FRMD5: variants seen among roughly 807,000 people sequenced by gnomAD.
FRMD5 encodes FERM domain containing 5.
FRMD5 carries 20 observed loss-of-function variants against 69.0 expected under a neutral mutation model. The observed-to-expected ratio is 0.29, with a 90% CI of 0.20 to 0.42. The LOEUF (loss-of-function observed/expected upper bound fraction) is 0.42, where lower values mean the gene tolerates loss of function less well. Ranked by LOEUF, FRMD5 falls within the 10% of genes least tolerant of loss-of-function variation. The pLI is 1.00. For synonymous variants in FRMD5, 271 were observed against 260.1 expected (o/e 1.04, Z -0.40); for missense variants, 595 against 708.6 (o/e 0.84, Z 1.82).
At chr15:44,047,863 A>G (rs1229495967) in intron 1 of FRMD5, among the ~76,000 whole-genome samples, 1 of 152,184 alleles carries the variant, frequency 6.6e-6, no homozygotes, top group African/African-American at 2.4e-5. Flanking sequence ...TTCAAGCTTC[A>G]TCTATGTTGT....
chr15:44,162,733 G>A (rs2077638283), intron 1 of FRMD5, among the ~76,000 whole-genome samples: 1 of 151,906 alleles, frequency 6.6e-6, no homozygotes, highest in African/African-American at 2.4e-5. Flanking sequence ...CAGGCGTGGT[G>A]GCGCATGCCT....
At chr15:43,958,761 T>C (rs2090153544) in intron 1 of FRMD5, among the ~76,000 whole-genome samples, 1 of 152,234 alleles carries the variant, frequency 6.6e-6, no homozygotes, top group Admixed American at 6.5e-5. Flanking sequence ...AAATGCTTTT[T>C]AAAAGGAAGA....
At chr15:44,159,767 G>A (rs2077584085) in intron 1 of FRMD5, among the ~76,000 whole-genome samples, 1 of 152,196 alleles carries the variant, frequency 6.6e-6, no homozygotes, top group Non-Finnish European at 1.5e-5. Flanking sequence ...TTTCTTAAGT[G>A]GATCTGTGGA....
At chr15:43,927,003 C>T (rs996636373) in intron 1 of FRMD5, among the ~76,000 whole-genome samples, 2 of 151,180 alleles carry the variant, frequency 1.3e-5, no homozygotes, top group African/African-American at 4.9e-5. Flanking sequence ...GAAATCTCTA[C>T]CTTTTCCCAA....
At chr15:44,194,798 C>A (rs2078257938) in intron 1 of FRMD5, 155 bp downstream of exon 1, 2 of 729,314 alleles carry the variant, frequency 2.7e-6, no homozygotes, top group African/African-American at 3.6e-5. Flanking sequence ...CCGGTGAAGA[C>A]GCCCTGCACT....
intron 1 of FRMD5, among the ~76,000 whole-genome samples, chr15:43,963,662 G>A (rs1411081244): frequency 6.6e-6 from 1 of 152,186 alleles, no homozygotes; most frequent in African/African-American, 2.4e-5. Context: ...CAACCCAAAT[G>A]TCCAACAATG....
At chr15:44,025,717 A>C (rs1381305015) in intron 1 of FRMD5, among the ~76,000 whole-genome samples, 10 of 152,156 alleles carry the variant, frequency 6.6e-5, no homozygotes, top group Non-Finnish European at 1.3e-4. Flanking sequence ...GGGAGTATTA[A>C]ATATGAATAG....
chr15:43,994,761 C>T (rs772484608), intron 1 of FRMD5, among the ~76,000 whole-genome samples: 1 of 152,214 alleles, frequency 6.6e-6, no homozygotes, highest in Non-Finnish European at 1.5e-5. Context: ...TTTGCCTAAC[C>T]TTCATGCTAA....
intron 1 of FRMD5, among the ~76,000 whole-genome samples, chr15:44,102,889 C>A (rs1409266055): frequency 6.6e-6 from 1 of 152,174 alleles, no homozygotes; most frequent in Non-Finnish European, 1.5e-5. Context: ...CTAGTCACAG[C>A]CTTCTGCTCT....
chr15:43,997,288 T>C (rs992125182), intron 1 of FRMD5, among the ~76,000 whole-genome samples: 9 of 152,198 alleles, frequency 5.9e-5, no homozygotes, highest in African/African-American at 2.2e-4. Flanking sequence ...CCAGCCTTCA[T>C]TGTTGTCCTG....
At chr15:44,054,846 C>A (rs1431572747) in intron 1 of FRMD5, among the ~76,000 whole-genome samples, 2 of 151,784 alleles carry the variant, frequency 1.3e-5, no homozygotes, top group African/African-American at 4.8e-5. Flanking sequence ...CCGAGGCGGG[C>A]ACATCACGAG....
chr15:43,999,923 G>GTGTA (rs1890105115), intron 1 of FRMD5, among the ~76,000 whole-genome samples: 1 of 58,266 alleles, frequency 1.7e-5, no homozygotes, highest in African/African-American at 7.8e-5. Flanking sequence ...GTGTGTGTAT[G>GTGTA]TATATATATA....
intron 2 of FRMD5, among the ~76,000 whole-genome samples, chr15:43,921,432 GA>G (rs1332487612): frequency 6.6e-6 from 1 of 152,224 alleles, no homozygotes; most frequent in African/African-American, 2.4e-5. Flanking sequence ...CTAGAAAGAA[GA>G]TTTTAGTTTT....
intron 1 of FRMD5, among the ~76,000 whole-genome samples, chr15:43,963,428 G>T (rs1184089476): frequency 2.0e-5 from 3 of 152,162 alleles, no homozygotes; most frequent in Admixed American, 2.0e-4. Context: ...AGAGGATGTG[G>T]AGAAATAGGA....
At chr15:43,973,470 C>T (rs528286215) in intron 1 of FRMD5, among the ~76,000 whole-genome samples, 6 of 151,686 alleles carry the variant, frequency 4.0e-5, no homozygotes, top group South Asian at 2.1e-4. Flanking sequence ...CAGGTTCAAG[C>T]GATTCTCCTG....
At chr15:44,191,938 A>ATATATATATC (rs2078203726) in intron 1 of FRMD5, among the ~76,000 whole-genome samples, 10 of 125,878 alleles carry the variant, frequency 7.9e-5, no homozygotes, top group African/African-American at 3.0e-4. Context: ...ATATATATAT[A>ATATATATATC]TATGTATCTC....
At chr15:44,115,083 A>T (rs1027632977) in intron 1 of FRMD5, among the ~76,000 whole-genome samples, 1 of 152,234 alleles carries the variant, frequency 6.6e-6, no homozygotes, top group Non-Finnish European at 1.5e-5. Flanking sequence ...TGAAGACCAA[A>T]CAAAACATTT....
intron 1 of FRMD5, among the ~76,000 whole-genome samples, chr15:44,003,195 CA>C (rs1316029618): frequency 1.3e-5 from 2 of 152,170 alleles, no homozygotes; most frequent in African/African-American, 2.4e-5. Context: ...GTTCTACCTT[CA>C]AAATGTATTC....
intron 1 of FRMD5, among the ~76,000 whole-genome samples, chr15:44,155,531 C>T (rs899078297): frequency 9.9e-5 from 15 of 152,116 alleles, no homozygotes; most frequent in African/African-American, 3.4e-4. Context: ...TGTAGAAACT[C>T]CATTCCTTTA....
Sources: gnomAD v4.1 joint callset for allele counts (sites outside exome capture counted in the v4.1 genomes callset) on GRCh38, gnomAD v4.1.1 for gene constraint, MANE v1.5 for transcripts, NCBI Gene and HGNC (gene_info 2026-07-23, HGNC 2026-07-21) for gene names.